Variants in STK39 observed in about 807,000 individuals in gnomAD.
STK39 encodes serine/threonine kinase 39.
STK39 carries 20 observed loss-of-function variants against 77.8 expected under a neutral mutation model. That is an observed-to-expected ratio of 0.26 (90% confidence interval 0.18 to 0.37). The LOEUF (loss-of-function observed/expected upper bound fraction) is 0.37. Ranked by LOEUF, STK39 falls within the 10% of genes least tolerant of loss-of-function variation. The pLI is 1.00. For missense variants in STK39, 479 were observed against 656.5 expected (o/e 0.73, Z 2.95); for synonymous variants, 246 against 234.1 (o/e 1.05, Z -0.47).
intron 1 of STK39, among the ~76,000 whole-genome samples, chr2:168,235,940 A>C (rs75978941): frequency 0.41 from 61,310 of 151,324 alleles, 12,476 homozygotes; most frequent in Admixed American, 0.47. Context: ...TTTATAGCAG[A>C]ATGATTTATA....
At chr2:168,092,392 A>G (rs1686547830) in intron 10 of STK39, among the ~76,000 whole-genome samples, 1 of 152,240 alleles carries the variant, frequency 6.6e-6, no homozygotes, top group South Asian at 2.1e-4. Context: ...AATTCATTTC[A>G]TACTAACAGA....
chr2:168,089,102 G>A (rs1047652808), intron 10 of STK39, among the ~76,000 whole-genome samples: 1 of 152,156 alleles, frequency 6.6e-6, no homozygotes, highest in Non-Finnish European at 1.5e-5. Context: ...CCCTGGGTGA[G>A]CAGGCCAGCT....
intron 1 of STK39, among the ~76,000 whole-genome samples, chr2:168,191,370 A>AT (rs1689335523): frequency 6.6e-6 from 1 of 152,136 alleles, no homozygotes; most frequent in Non-Finnish European, 1.5e-5. Context: ...GGTTATTAGC[A>AT]TATCCACAGC....
At chr2:168,156,545 C>T (rs1688433826) in intron 5 of STK39, among the ~76,000 whole-genome samples, 3 of 152,160 alleles carry the variant, frequency 2.0e-5, no homozygotes, top group African/African-American at 4.8e-5. Flanking sequence ...CCCTAGCCAC[C>T]GTGAGCTTAC....
At chr2:168,140,603 C>T (rs201911796) in intron 6 of STK39, 46 bp downstream of exon 6, 740 of 1,448,402 alleles carry the variant, frequency 5.1e-4, no homozygotes, top group Non-Finnish European at 6.6e-4. Context: ...ATGATCTGTA[C>T]GATTGTACTA....
At chr2:168,059,847 T>C (rs1685616566) in intron 14 of STK39, among the ~76,000 whole-genome samples, 1 of 152,184 alleles carries the variant, frequency 6.6e-6, no homozygotes, top group South Asian at 2.1e-4. Flanking sequence ...GACAACCTGG[T>C]ATATCATACA....
At chr2:168,121,354 G>C (rs1687400408) in intron 10 of STK39, among the ~76,000 whole-genome samples, 1 of 152,192 alleles carries the variant, frequency 6.6e-6, no homozygotes, top group Admixed American at 6.5e-5. Context: ...TGATCTGAAA[G>C]CTGTGAAAGA....
intron 1 of STK39, among the ~76,000 whole-genome samples, chr2:168,219,869 CT>C (rs200725506): frequency 1.7e-3 from 147 of 86,604 alleles, no homozygotes; most frequent in Middle Eastern, 5.7e-3. Flanking sequence ...ACTTTTCTTG[CT>C]TTTTTTTTTT....
At chr2:167,984,094 G>C (rs1176646134) in intron 16 of STK39, among the ~76,000 whole-genome samples, 1 of 152,128 alleles carries the variant, frequency 6.6e-6, no homozygotes, top group Non-Finnish European at 1.5e-5. Flanking sequence ...TTTTTAAGCA[G>C]ATGTGTGTTC....
chr2:168,121,362 A>G (rs16854751), intron 10 of STK39, among the ~76,000 whole-genome samples: 21,363 of 152,218 alleles, frequency 0.14, 1,804 homozygotes, highest in East Asian at 0.22. Flanking sequence ...AAGCTGTGAA[A>G]GAATATTGGC....
chr2:168,169,537 T>C (rs1331049636), intron 2 of STK39, among the ~76,000 whole-genome samples: 8 of 151,962 alleles, frequency 5.3e-5, no homozygotes, highest in South Asian at 2.1e-4. Context: ...CAAGGTTGAG[T>C]CAGTCTAGAA....
In STK39 at chr2:168,053,264, A is replaced by G. The variant is rs1001278268; in HGVS notation, c.1376+10236T>C. The stretch of plus-strand genomic sequence containing the variant: ...TAAGGAAGCCATTAAAAAGGATTCT[A>G]TAGATTTGTATTCATCGATATGAAA... On this transcript the variant is annotated intron_variant, in intron 14 of 17. Coordinates refer to ENST00000355999, the MANE Select transcript of STK39 (RefSeq NM_013233.3). Among the ~76,000 whole-genome samples, 6 of 152,346 alleles carry G rather than the reference A, an allele frequency of 3.9e-5. No homozygotes were observed. The South Asian group carries it at 1.0e-3, about 26-fold the overall frequency.
chr2:168,038,131 C>T lies in STK39; in HGVS notation c.1377-21036G>A, dbSNP rs11883801. ...AGTTAGATAGACTAGGATACAAAGC[C>T]GAGTCTATGGTATAATTAAAAACAC... On this transcript the variant is annotated intron_variant, in intron 14 of 17. Transcript: ENST00000355999. Among the ~76,000 whole-genome samples the T allele has an allele frequency of 2.1e-3, 322 of 152,100 alleles. 4 individuals carry two copies. Among genetic ancestry groups the T allele is most frequent in the African/African-American group, 7.4e-3 (308 of 41,516 alleles).
chr2:168,016,076 C>G (rs1253062949), intron 15 of STK39, among the ~76,000 whole-genome samples: 2 of 152,062 alleles, frequency 1.3e-5, no homozygotes, highest in Non-Finnish European at 2.9e-5. Context: ...TACAGCTGTG[C>G]ACCACCACAC....
At chr2:167,957,343 G>A (rs1031601614) in intron 17 of STK39, among the ~76,000 whole-genome samples, 5 of 152,172 alleles carry the variant, frequency 3.3e-5, no homozygotes, top group African/African-American at 1.2e-4. Context: ...TGTGTTGACA[G>A]GGGCGATGAG....
intron 14 of STK39, among the ~76,000 whole-genome samples, chr2:168,042,063 A>G (rs1487689392): frequency 1.3e-5 from 2 of 152,220 alleles, no homozygotes; most frequent in Non-Finnish European, 1.5e-5. Flanking sequence ...ATAGACAACT[A>G]TAATTTCCTG....
intron 10 of STK39, among the ~76,000 whole-genome samples, chr2:168,083,528 AT>A (rs560663883): frequency 1.2e-4 from 18 of 152,130 alleles, no homozygotes; most frequent in Admixed American, 7.9e-4. Flanking sequence ...TAAGCTAGAA[AT>A]TTTTTTTAAA....
At chr2:168,078,050 G>C (rs958941902) in intron 10 of STK39, among the ~76,000 whole-genome samples, 2 of 152,114 alleles carry the variant, frequency 1.3e-5, no homozygotes, top group African/African-American at 4.8e-5. Context: ...GTAAAGCCAA[G>C]AGGTGGTAGA....
rs570860107 is a variant in STK39, at chr2:167,992,145, C to T, written c.1498+20489G>A. On this transcript the variant is annotated intron_variant, in intron 16 of 17. Transcript: ENST00000355999. ...CAGGGGCCTGGGAGATAACATAACT[C>T]AGTTGGAGAAGAGGGGACAGAATTT... Among the ~76,000 whole-genome samples, 17 of 152,234 alleles carry T rather than the reference C, an allele frequency of 1.1e-4. 1 individual carries two copies. Among genetic ancestry groups the T allele is most frequent in the Middle Eastern group, 3.4e-3 (1 of 294 alleles).
Sources: gnomAD v4.1 joint callset for allele counts (sites outside exome capture counted in the v4.1 genomes callset) on GRCh38, gnomAD v4.1.1 for gene constraint, MANE v1.5 for transcripts, NCBI Gene and HGNC (gene_info 2026-07-23, HGNC 2026-07-21) for gene names.